The following DPP6 variants were observed in gnomAD, a reference collection of about 807,000 sequenced individuals.
The protein encoded by DPP6 is dipeptidyl peptidase like 6.
A neutral mutation model predicts 122.6 loss-of-function variants in DPP6; 69 were observed. The ratio of observed to expected loss-of-function variants is 0.56; its 90% CI spans 0.46 to 0.69. The LOEUF (loss-of-function observed/expected upper bound fraction) is 0.69. Among genes scored for constraint, DPP6 ranks in the 30% least tolerant of loss-of-function variants. DPP6 has a pLI of 0.00. For missense variants in DPP6, 928 were observed against 1,116.9 expected, an observed-to-expected ratio of 0.83 and a Z score of 2.41; for synonymous variants, 418 against 433.1, an observed-to-expected ratio of 0.97 and a Z score of 0.43.
At chr7:153,933,685 TC>T (rs1554410879) in intron 1 of DPP6, among the ~76,000 whole-genome samples, 1 of 838 alleles carries the variant, frequency 1.2e-3, no homozygotes, top group Non-Finnish European at 1.9e-3. Flanking sequence ...TGCCACATTC[TC>T]TCTCTCTCTC....
intron 3 of DPP6, among the ~76,000 whole-genome samples, chr7:154,535,291 A>G (rs1362203149): frequency 6.6e-6 from 1 of 152,148 alleles, no homozygotes; most frequent in Non-Finnish European, 1.5e-5. Context: ...ATGAGATAAA[A>G]TCTTTGTGAC....
chr7:154,543,124 T>C (rs1828866012), intron 4 of DPP6, among the ~76,000 whole-genome samples: 1 of 152,168 alleles, frequency 6.6e-6, no homozygotes. Context: ...GCCTTCCTGG[T>C]GACTGATCAG....
chr7:154,601,746 T>C (rs1169985373), intron 5 of DPP6, among the ~76,000 whole-genome samples: 1 of 120,818 alleles, frequency 8.3e-6, no homozygotes, highest in Non-Finnish European at 1.9e-5. Flanking sequence ...TTTATCTTAG[T>C]GCCTATTTTT....
chr7:154,706,099 C>T (rs1487669764), intron 7 of DPP6, among the ~76,000 whole-genome samples: 1 of 152,202 alleles, frequency 6.6e-6, no homozygotes, highest in Non-Finnish European at 1.5e-5. Flanking sequence ...ACAACCAGCG[C>T]CCTTCAGTGA....
At chr7:154,242,875 C>T (rs1801717268) in intron 1 of DPP6, among the ~76,000 whole-genome samples, 1 of 152,186 alleles carries the variant, frequency 6.6e-6, no homozygotes, top group Non-Finnish European at 1.5e-5. Flanking sequence ...TTCTGCAGGG[C>T]TGGGAATGAA....
chr7:154,683,609 G>A (rs577935716), intron 7 of DPP6, among the ~76,000 whole-genome samples: 70 of 152,154 alleles, frequency 4.6e-4, no homozygotes, highest in African/African-American at 1.6e-3. Context: ...GATCTAAAAT[G>A]CAAATATAAT....
At chr7:154,497,436 C>T (rs1824843547) in intron 3 of DPP6, among the ~76,000 whole-genome samples, 1 of 151,932 alleles carries the variant, frequency 6.6e-6, no homozygotes, top group Non-Finnish European at 1.5e-5. Flanking sequence ...GGTGAAACCC[C>T]CATCTCTACT....
chr7:153,998,929 T>G (rs968513182), intron 1 of DPP6, among the ~76,000 whole-genome samples: 1 of 152,258 alleles, frequency 6.6e-6, no homozygotes, highest in Admixed American at 6.5e-5. Context: ...CATCATCTTT[T>G]GTTCATTAAC....
chr7:154,608,474 C>T (rs758983569), intron 5 of DPP6, among the ~76,000 whole-genome samples: 40 of 146,356 alleles, frequency 2.7e-4, no homozygotes, highest in Non-Finnish European at 3.3e-4. Context: ...ACTACAGGAG[C>T]GTGCCACTAC....
At chr7:153,818,255 T>C in the DPP6 span, among the ~76,000 whole-genome samples, 331 of 152,268 alleles carry the variant, frequency 2.2e-3, 2 homozygotes, top group African/African-American at 7.5e-3. Flanking sequence ...AGTGGCAGCA[T>C]GTGACACTGT....
chr7:154,596,443 CATT>C (rs763337403), intron 5 of DPP6, among the ~76,000 whole-genome samples: 9 of 152,202 alleles, frequency 5.9e-5, no homozygotes, highest in Non-Finnish European at 8.8e-5. Context: ...ATTGTAAAGA[CATT>C]AGAGCACAAT....
At chr7:154,159,893 C>T (rs1479598667) in intron 1 of DPP6, among the ~76,000 whole-genome samples, 1 of 151,826 alleles carries the variant, frequency 6.6e-6, no homozygotes, top group African/African-American at 2.4e-5. Flanking sequence ...AAGATTTCTT[C>T]AGCCCAGGAG....
chr7:154,490,461 G>C (rs1384211269), intron 3 of DPP6, among the ~76,000 whole-genome samples: 1 of 152,230 alleles, frequency 6.6e-6, no homozygotes, highest in Non-Finnish European at 1.5e-5. Context: ...GGATGAGTTT[G>C]TCAGCAGTGC....
intron 5 of DPP6, among the ~76,000 whole-genome samples, chr7:154,611,942 T>G (rs1392823481): frequency 6.6e-6 from 1 of 152,186 alleles, no homozygotes; most frequent in African/African-American, 2.4e-5. Context: ...TAATAGCACC[T>G]GCTGTGGTTT....
rs190688003 is a variant in DPP6 at position 154,760,126 on chromosome 7, A to C, written c.884-9291A>C. ...TGACAGAGCGAGATTCTGTCTCAAA[A>C]CAAAAAAAAGTCTATTCCCAAGGAG... On this transcript the variant is annotated intron_variant, in intron 8 of 25. Coordinates refer to ENST00000377770, the MANE Select transcript of DPP6 (RefSeq NM_130797.4). This position sits in a 1 kb window ranked among gnomAD's most constrained non-coding sequence, Gnocchi z 4.5. Among the ~76,000 whole-genome samples the C allele has an allele frequency of 1.6e-3, 242 of 152,212 alleles. No individual in the cohort carries two copies. Among genetic ancestry groups the C allele is most frequent in the African/African-American group, 5.4e-3 (226 of 41,498 alleles).
At chr7:154,727,598 T>C (rs1842125818) in intron 7 of DPP6, among the ~76,000 whole-genome samples, 169 bp from the exon 8 acceptor site, 1 of 152,212 alleles carries the variant, frequency 6.6e-6, no homozygotes, top group Admixed American at 6.5e-5. Flanking sequence ...TACAGGTATA[T>C]TCTGTTCGAG....
intron 1 of DPP6, among the ~76,000 whole-genome samples, chr7:154,080,307 T>G (rs1402540511): frequency 6.6e-6 from 1 of 152,110 alleles, no homozygotes; most frequent in Admixed American, 6.6e-5. Context: ...TTAATCAGCA[T>G]CCAAGATCAA....
chr7:154,731,306 A>T (rs1842330684), intron 8 of DPP6, among the ~76,000 whole-genome samples: 1 of 152,212 alleles, frequency 6.6e-6, no homozygotes, highest in Non-Finnish European at 1.5e-5. Flanking sequence ...GGAAACAGCC[A>T]CTGCAGTCCA....
intron 1 of DPP6, among the ~76,000 whole-genome samples, chr7:154,003,247 A>G (rs965959790): frequency 1.2e-4 from 18 of 152,204 alleles, no homozygotes; most frequent in Admixed American, 8.5e-4. Flanking sequence ...TCTAGTGGCT[A>G]CAGGATAGCA....
Sources: gnomAD v4.1 joint callset for allele counts (sites outside exome capture counted in the v4.1 genomes callset) on GRCh38, gnomAD v4.1.1 for gene constraint, Gnocchi (gnomAD v3.1) non-coding constraint, MANE v1.5 for transcripts, NCBI Gene and HGNC (gene_info 2026-07-23, HGNC 2026-07-21) for gene names.